The following NUDT3 variants were observed in gnomAD, a reference collection of about 807,000 sequenced individuals.
NUDT3 encodes nudix hydrolase 3.
In NUDT3, 9 loss-of-function variants were observed where a neutral mutation model predicts 23.6. That is an observed-to-expected ratio of 0.38 (90% CI 0.23 to 0.66). The LOEUF (loss-of-function observed/expected upper bound fraction) is 0.66. NUDT3 is among the 30% of genes least tolerant of loss of function. The pLI, the probability that NUDT3 is intolerant of heterozygous loss-of-function variation, is 0.52. For missense variants in NUDT3, 172 were observed against 218.5 expected (o/e 0.79, Z 1.34); for synonymous variants, 86 against 82.6 (o/e 1.04, Z -0.22).
intron 1 of NUDT3, among the ~76,000 whole-genome samples, chr6:34,388,419 TG>T (rs1765144473): frequency 1.3e-5 from 2 of 152,240 alleles, no homozygotes; most frequent in Non-Finnish European, 2.9e-5. Context: ...TATTCTATCT[TG>T]ATTAAGGCCA....
chr6:34,357,800 G>A (rs1243823927), intron 1 of NUDT3, among the ~76,000 whole-genome samples: 2 of 152,080 alleles, frequency 1.3e-5, no homozygotes, highest in Non-Finnish European at 2.9e-5. Context: ...GCAAGGTATA[G>A]CTTTTCATTC....
At chr6:34,293,356 C>T in intron 4 of NUDT3, 95 bp downstream of exon 4, 5 of 1,448,234 alleles carry the variant, frequency 3.5e-6, no homozygotes, top group Non-Finnish European at 4.8e-6. Flanking sequence ...GCCACTGAGC[C>T]TGGTACGCTC....
At chr6:34,366,468 G>GAGGGA (rs1374570773) in intron 1 of NUDT3, among the ~76,000 whole-genome samples, 21 of 120,858 alleles carry the variant, frequency 1.7e-4, no homozygotes, top group African/African-American at 6.8e-4. Context: ...GAAAGAGAGA[G>GAGGGA]AGGGAAGGGA....
At chr6:34,343,869 A>T (rs146939634) in intron 1 of NUDT3, among the ~76,000 whole-genome samples, 58 of 152,364 alleles carry the variant, frequency 3.8e-4, no homozygotes, top group African/African-American at 1.4e-3. Context: ...TATCTAAAAC[A>T]ATAAAAAGAT....
intron 2 of NUDT3, among the ~76,000 whole-genome samples, chr6:34,312,780 C>A (rs1763794144): frequency 6.6e-6 from 1 of 152,168 alleles, no homozygotes; most frequent in Non-Finnish European, 1.5e-5. Context: ...CGATGTCCTT[C>A]AGTAGGTGAA....
chr6:34,311,617 C>G (rs142574026), intron 2 of NUDT3, among the ~76,000 whole-genome samples: 1 of 152,270 alleles, frequency 6.6e-6, no homozygotes, highest in Non-Finnish European at 1.5e-5. Context: ...CCCAGACAGT[C>G]AACTCGTTAA....
chr6:34,292,801 G>A (rs1295814158), intron 4 of NUDT3, among the ~76,000 whole-genome samples: 1 of 152,102 alleles, frequency 6.6e-6, no homozygotes, highest in East Asian at 1.9e-4. Context: ...CCCATGGCCA[G>A]CAGTGAGCCT....
At chr6:34,329,037 T>G (rs1055375807) in intron 2 of NUDT3, among the ~76,000 whole-genome samples, 1 of 152,118 alleles carries the variant, frequency 6.6e-6, no homozygotes, top group South Asian at 2.1e-4. Context: ...ATTAATGAAC[T>G]AAAAAACTGG....
At chr6:34,310,991 GA>G (rs751477783) in intron 2 of NUDT3, among the ~76,000 whole-genome samples, 13,961 of 122,146 alleles carry the variant, frequency 0.11, 722 homozygotes, top group Non-Finnish European at 0.14. Context: ...GACACAGAAG[GA>G]AAAAAAAAAA....
intron 2 of NUDT3, among the ~76,000 whole-genome samples, chr6:34,322,279 G>A (rs1376663847): frequency 1.3e-5 from 2 of 151,092 alleles, no homozygotes; most frequent in African/African-American, 4.9e-5. Flanking sequence ...CGCCCAGGCT[G>A]GAGTGCAGTG....
At chr6:34,390,644 C>A (rs1233430673) in intron 1 of NUDT3, among the ~76,000 whole-genome samples, 2 of 152,128 alleles carry the variant, frequency 1.3e-5, no homozygotes, top group East Asian at 3.8e-4. Flanking sequence ...AGGCGTGAGC[C>A]ACCACGCCCG....
rs139746730 is a variant in NUDT3 at position 34,392,351 on chromosome 6, G to A, written c.12C>T (p.Leu4=). MMK[L]KSNQTRTYDG... is the part of the protein sequence containing the mutation. ...CGTAGGTGCGGGTCTGGTTCGACTT[G>A]AGCTTCATCATCCTCCGGGCCCGGG... The change falls in exon 1 of 5, where the codon CTC becomes CTT. Residue 4 remains leucine, a synonymous_variant. Coordinates refer to ENST00000607016, the MANE Select transcript of NUDT3 (RefSeq NM_006703.4). 1 of 1,603,408 alleles carries A rather than the reference G, an allele frequency of 6.2e-7. No individual in the cohort carries two copies. Among genetic ancestry groups the A allele is most frequent in the Non-Finnish European group, 8.5e-7 (1 of 1,176,418 alleles).
chr6:34,309,414 G>A (rs537986272), intron 2 of NUDT3, among the ~76,000 whole-genome samples: 14,545 of 151,718 alleles, frequency 0.096, 795 homozygotes, highest in Non-Finnish European at 0.12. Context: ...AAAACTTTAG[G>A]CTAAATGCAT....
At chr6:34,339,733 A>C (rs941557355) in intron 2 of NUDT3, among the ~76,000 whole-genome samples, 2 of 152,258 alleles carry the variant, frequency 1.3e-5, no homozygotes, top group African/African-American at 2.4e-5. Context: ...TAGCTGTGAC[A>C]GAGATTGTAT....
chr6:34,352,056 A>C (rs1032624009), intron 1 of NUDT3, among the ~76,000 whole-genome samples: 6 of 152,196 alleles, frequency 3.9e-5, no homozygotes, highest in Admixed American at 1.3e-4. Context: ...ACAAAAAAAA[A>C]CTTATAATTG....
intron 1 of NUDT3, among the ~76,000 whole-genome samples, chr6:34,359,700 T>C (rs151172595): frequency 1.3e-5 from 2 of 152,372 alleles, no homozygotes; most frequent in African/African-American, 4.8e-5. Flanking sequence ...TGGTTGTTTC[T>C]ACCTTTTAGC....
intron 1 of NUDT3, among the ~76,000 whole-genome samples, chr6:34,346,493 G>T (rs746045142): frequency 6.6e-6 from 1 of 152,130 alleles, no homozygotes; most frequent in African/African-American, 2.4e-5. Flanking sequence ...GCAAAGAAAA[G>T]GAAACCTCTG....
At position 34,285,486 on chromosome 6, in the gene NUDT3, A is replaced by C. The variant is rs1298399547; in HGVS notation, c.*3267T>G. The C allele has an allele frequency of 1.3e-5, 2 of 152,230 alleles. No individual in the cohort carries two copies. The highest frequency in any genetic ancestry group is 2.9e-5 in the Non-Finnish European group (2 of 68,040). The allele number at this position is 152,230 out of a possible 1,614,324, so 9.4% of individuals were successfully genotyped here. ...TTTAATGGATGCTCCAGCAATAACC[A>C]GAATCTAGGACATGCAGACTCACTG... On this transcript the variant is annotated 3_prime_UTR_variant, in exon 5 of 5. Transcript: ENST00000607016.
rs753242170 is a variant in NUDT3, at chr6:34,392,378, G to A, written c.-16C>T. On this transcript the variant is annotated 5_prime_UTR_variant, in exon 1 of 5. Coordinates refer to ENST00000607016, the MANE Select transcript of NUDT3 (RefSeq NM_006703.4). Reference sequence around the variant, plus strand: ...GCTTCATCATCCTCCGGGCCCGGGTGGGGGTGCGGTGCGGGTCGCAGGAGT... The same window carrying A: ...GCTTCATCATCCTCCGGGCCCGGGTAGGGGTGCGGTGCGGGTCGCAGGAGT... 38 of 1,591,882 alleles carry A rather than the reference G, an allele frequency of 2.4e-5. No individual in the cohort carries two copies. The highest frequency in any genetic ancestry group is 3.4e-5 in the Admixed American group (2 of 58,628).
Sources: allele counts gnomAD v4.1 joint callset (sites outside exome capture counted in the v4.1 genomes callset), GRCh38; gene constraint gnomAD v4.1.1; transcripts MANE v1.5; gene names NCBI Gene and HGNC (gene_info 2026-07-23, HGNC 2026-07-21).